Variants in NR3C2 observed in about 807,000 individuals in gnomAD.
NR3C2 encodes the protein nuclear receptor subfamily 3 group C member 2.
In NR3C2, 15 loss-of-function variants were observed where a neutral mutation model predicts 86.4. The observed-to-expected ratio is 0.17, with a 90% CI of 0.12 to 0.27. The LOEUF (loss-of-function observed/expected upper bound fraction) is 0.27, where lower values mean the gene tolerates loss of function less well. Among genes scored for constraint, NR3C2 ranks in the 10% least tolerant of loss-of-function variants. NR3C2 has a pLI of 1.00. For synonymous variants in NR3C2, 458 were observed against 450.5 expected (o/e 1.02, Z -0.21); for missense variants, 960 against 1,195.6 (o/e 0.80, Z 2.91).
intron 8 of NR3C2, among the ~76,000 whole-genome samples, chr4:148,085,805 A>G (rs1248214129): frequency 6.6e-6 from 1 of 152,228 alleles, no homozygotes; most frequent in Non-Finnish European, 1.5e-5. Context: ...AGATGTCACC[A>G]CTGATCCCAC....
At chr4:148,319,335 G>A (rs1259073556) in intron 2 of NR3C2, among the ~76,000 whole-genome samples, 6 of 152,154 alleles carry the variant, frequency 3.9e-5, no homozygotes, top group Non-Finnish European at 7.3e-5. Flanking sequence ...TGTTCTTTTG[G>A]CTTAGGATTG....
At chr4:148,346,516 T>C (rs1745000208) in intron 2 of NR3C2, among the ~76,000 whole-genome samples, 1 of 151,936 alleles carries the variant, frequency 6.6e-6, no homozygotes, top group South Asian at 2.1e-4. Flanking sequence ...CCAGTGAAAG[T>C]TATGGACTAA....
At chr4:148,269,036 TCAGAGAG>T (rs1740535362) in intron 2 of NR3C2, among the ~76,000 whole-genome samples, 1 of 152,170 alleles carries the variant, frequency 6.6e-6, no homozygotes, top group Non-Finnish European at 1.5e-5. Flanking sequence ...TAGGTTGTCC[TCAGAGAG>T]TAAGGACTCC....
chr4:148,434,139 C>G (rs1014594461), intron 2 of NR3C2, among the ~76,000 whole-genome samples: 1 of 152,096 alleles, frequency 6.6e-6, no homozygotes, highest in African/African-American at 2.4e-5. Flanking sequence ...AGGAAACTAT[C>G]CACATAGTTC....
intron 2 of NR3C2, among the ~76,000 whole-genome samples, chr4:148,296,308 A>G (rs61760321): frequency 6.6e-6 from 1 of 152,238 alleles, no homozygotes; most frequent in East Asian, 1.9e-4. Context: ...AATTGACCCA[A>G]AAAAAGCAGT....
chr4:148,437,420 G>A (rs982093263), intron 1 of NR3C2, among the ~76,000 whole-genome samples: 5 of 152,138 alleles, frequency 3.3e-5, no homozygotes, highest in Admixed American at 3.3e-4. Context: ...AACATACCAA[G>A]TGAATTATCA....
chr4:148,334,871 C>T (rs912340503), intron 2 of NR3C2, among the ~76,000 whole-genome samples: 3 of 152,102 alleles, frequency 2.0e-5, no homozygotes, highest in Non-Finnish European at 2.9e-5. Context: ...GGAGAATCTG[C>T]CCCCTGCTTC....
intron 4 of NR3C2, among the ~76,000 whole-genome samples, chr4:148,192,434 G>A (rs796372022): frequency 4.6e-5 from 7 of 152,306 alleles, no homozygotes; most frequent in Admixed American, 2.6e-4. Flanking sequence ...GTGGTTTAAC[G>A]CTCTATTTTT....
intron 4 of NR3C2, among the ~76,000 whole-genome samples, chr4:148,161,573 C>T (rs1734663711): frequency 6.6e-6 from 1 of 152,086 alleles, no homozygotes; most frequent in African/African-American, 2.4e-5. Context: ...CCAGGCTGGT[C>T]TTGAACTCCT....
At chr4:148,109,274 C>T (rs886543653) in intron 8 of NR3C2, among the ~76,000 whole-genome samples, 3 of 152,218 alleles carry the variant, frequency 2.0e-5, no homozygotes, top group Non-Finnish European at 4.4e-5. Context: ...TCCACCTCCT[C>T]GGAGGTCCCA....
intron 4 of NR3C2, among the ~76,000 whole-genome samples, chr4:148,191,654 A>C (rs554464300): frequency 4.6e-5 from 7 of 152,246 alleles, no homozygotes; most frequent in African/African-American, 1.7e-4. Flanking sequence ...TTAATCCCAG[A>C]CTTCCTGGAG....
intron 2 of NR3C2, among the ~76,000 whole-genome samples, chr4:148,364,539 T>A (rs957973824): frequency 1.3e-5 from 2 of 152,246 alleles, no homozygotes; most frequent in African/African-American, 4.8e-5. Context: ...AGAATTCATA[T>A]TAGATGCCTC....
At chr4:148,123,733 G>A (rs1356595363) in intron 6 of NR3C2, among the ~76,000 whole-genome samples, 3 of 152,156 alleles carry the variant, frequency 2.0e-5, no homozygotes, top group Non-Finnish European at 2.9e-5. Flanking sequence ...CTCTGCTATG[G>A]CTCTACTGGA....
intron 2 of NR3C2, among the ~76,000 whole-genome samples, chr4:148,309,758 G>T (rs889134119): frequency 1.3e-5 from 2 of 152,172 alleles, no homozygotes; most frequent in Non-Finnish European, 2.9e-5. Context: ...GACCTTGAAA[G>T]ATTATGGGGA....
In NR3C2 at chr4:148,242,486, C is replaced by G. The variant is rs72950130; in HGVS notation, c.1897+17492G>C. On this transcript the variant is annotated intron_variant, in intron 3 of 8. Coordinates refer to ENST00000358102, the MANE Select transcript of NR3C2 (RefSeq NM_000901.5). The stretch of plus-strand genomic sequence containing the variant: ...TGAGCAGCACTCTCTTTCCACTAAA[C>G]TGTGAGCCACATGTGAGAGGGGTCC... 6.0e-3 allele frequency among the ~76,000 whole-genome samples: 918 copies of G among 152,332 alleles called. 5 individuals are homozygous for G. The highest frequency in any genetic ancestry group is 0.021 in the African/African-American group (882 of 41,586).
intron 2 of NR3C2, among the ~76,000 whole-genome samples, chr4:148,320,551 A>G (rs1415912588): frequency 0.013 from 1,840 of 143,782 alleles, 42 homozygotes; most frequent in African/African-American, 0.047. Flanking sequence ...CCACAATTTC[A>G]GATCCTGTTA....
intron 4 of NR3C2, among the ~76,000 whole-genome samples, chr4:148,172,056 C>G (rs1045118514): frequency 6.6e-6 from 1 of 152,072 alleles, no homozygotes; most frequent in Non-Finnish European, 1.5e-5. Context: ...TTAACCTACT[C>G]GTGTCGGGTT....
intron 8 of NR3C2, among the ~76,000 whole-genome samples, chr4:148,112,392 C>T (rs1732084793): frequency 6.6e-6 from 1 of 152,210 alleles, no homozygotes; most frequent in Non-Finnish European, 1.5e-5. Flanking sequence ...ATTCTCTACT[C>T]AGAGGGCCTT....
chr4:148,163,548 C>T (rs761128063), intron 4 of NR3C2, among the ~76,000 whole-genome samples: 1 of 152,116 alleles, frequency 6.6e-6, no homozygotes, highest in Non-Finnish European at 1.5e-5. Flanking sequence ...TGGGAAAAAA[C>T]CAAACACCTA....
Sources: allele counts gnomAD v4.1 joint callset (sites outside exome capture counted in the v4.1 genomes callset), GRCh38; gene constraint gnomAD v4.1.1; transcripts MANE v1.5; gene names NCBI Gene and HGNC (gene_info 2026-07-23, HGNC 2026-07-21).